FER: variants seen among roughly 807,000 people sequenced by gnomAD.
FER encodes the protein FER tyrosine kinase.
A neutral mutation model predicts 111.0 loss-of-function variants in FER; 63 were observed. The observed-to-expected ratio is 0.57, with a 90% CI of 0.46 to 0.70. The LOEUF is 0.70. Ranked by LOEUF, FER falls within the 30% of genes least tolerant of loss-of-function variation. The pLI is 0.00. For missense variants in FER, 914 were observed against 954.0 expected, an observed-to-expected ratio of 0.96 and a Z score of 0.55; for synonymous variants, 327 against 313.9, an observed-to-expected ratio of 1.04 and a Z score of -0.44.
At position 109,003,770 on chromosome 5, in the gene FER, A is replaced by G. The variant is rs149824517; in HGVS notation, c.1657-33652A>G. ...AGAGGTGGGAGAATTGCTTGGACCT[A>G]GAATTTCAAGATCAGCCTAGGCATC... On this transcript the variant is annotated intron_variant, in intron 13 of 19. Coordinates refer to ENST00000281092, the MANE Select transcript of FER (RefSeq NM_005246.4). Among the ~76,000 whole-genome samples the G allele has an allele frequency of 2.4e-3, 362 of 152,256 alleles. 1 individual carries two copies. Among genetic ancestry groups the G allele is most frequent in the African/African-American group, 7.5e-3 (312 of 41,528 alleles).
intron 11 of FER, among the ~76,000 whole-genome samples, chr5:108,948,311 GC>G (rs1391217211): frequency 6.6e-6 from 1 of 152,016 alleles, no homozygotes; most frequent in African/African-American, 2.4e-5. Context: ...TTGGCTGATA[GC>G]AGAATTTGTT....
chr5:108,797,019 C>T (rs552734524), intron 2 of FER, among the ~76,000 whole-genome samples: 1 of 151,974 alleles, frequency 6.6e-6, no homozygotes, highest in South Asian at 2.1e-4. Flanking sequence ...TGACCCAGAG[C>T]CCACAGCGTA....
At chr5:108,888,817 A>G (rs1225462929) in intron 9 of FER, among the ~76,000 whole-genome samples, 1 of 151,946 alleles carries the variant, frequency 6.6e-6, no homozygotes, top group Non-Finnish European at 1.5e-5. Context: ...ATTGGAAGAA[A>G]TGAATTTTTC....
chr5:109,010,217 G>A (rs1047566243), intron 13 of FER, among the ~76,000 whole-genome samples: 2 of 152,036 alleles, frequency 1.3e-5, no homozygotes, highest in African/African-American at 2.4e-5. Context: ...GAGTGCAGTG[G>A]CACAATCTCG....
chr5:109,186,398 A>G (rs949670045), intron 19 of FER, 76 bp downstream of exon 19: 1 of 1,606,210 alleles, frequency 6.2e-7, no homozygotes, highest in Admixed American at 1.7e-5. Context: ...TGTCTGCTTG[A>G]GGAGGGGTGT....
chr5:109,023,717 A>G (rs1185989310), intron 13 of FER, among the ~76,000 whole-genome samples: 1 of 151,314 alleles, frequency 6.6e-6, no homozygotes, highest in African/African-American at 2.4e-5. Flanking sequence ...ATGAAGAGGG[A>G]CATTGTTTCA....
At chr5:108,991,712 T>A (rs538295944) in intron 13 of FER, among the ~76,000 whole-genome samples, 49 of 152,224 alleles carry the variant, frequency 3.2e-4, no homozygotes, top group African/African-American at 9.9e-4. Context: ...TAAGGTTTTT[T>A]TTAGCACTTG....
At chr5:109,107,956 A>G (rs1749144565) in intron 17 of FER, among the ~76,000 whole-genome samples, 1 of 152,132 alleles carries the variant, frequency 6.6e-6, no homozygotes, top group South Asian at 2.1e-4. Flanking sequence ...CCCAGCTTAT[A>G]TTAAATGTCT....
intron 16 of FER, among the ~76,000 whole-genome samples, chr5:109,072,419 A>T (rs1414396622): frequency 6.6e-6 from 1 of 151,324 alleles, no homozygotes; most frequent in Non-Finnish European, 1.5e-5. Context: ...CCAACCTAAT[A>T]TTTTTCAGAG....
chr5:108,758,411 A>G (rs2149923263), intron 1 of FER, among the ~76,000 whole-genome samples: 1 of 152,352 alleles, frequency 6.6e-6, no homozygotes, highest in African/African-American at 2.4e-5. Flanking sequence ...TGATAATACT[A>G]GAATTTTCAC....
At chr5:109,134,569 C>T (rs956863704) in intron 17 of FER, among the ~76,000 whole-genome samples, 11 of 152,108 alleles carry the variant, frequency 7.2e-5, no homozygotes, top group African/African-American at 2.2e-4. Flanking sequence ...TGAAAGGTGG[C>T]TCCCACACAG....
intron 10 of FER, among the ~76,000 whole-genome samples, chr5:108,914,394 G>A (rs139822392): frequency 1.3e-5 from 2 of 152,072 alleles, no homozygotes; most frequent in African/African-American, 2.4e-5. Flanking sequence ...TTATTATTAC[G>A]TTTCTTCTAT....
chr5:108,805,021 A>T (rs1481887646), intron 3 of FER, among the ~76,000 whole-genome samples: 1 of 149,312 alleles, frequency 6.7e-6, no homozygotes, highest in African/African-American at 2.5e-5. Context: ...TTGGAGCTGG[A>T]TATTGGTCTT....
Position 108,954,904 on chromosome 5 carries a change from G to A in FER, c.1505G>A (p.Arg502Lys), listed in dbSNP as rs756381569. Residue 502 changes from arginine (R) to lysine (K), a missense_variant, in exon 12 of 20, where the codon AGG (arginine) becomes AAG (lysine). Arg to Lys is a conservative substitution (Grantham distance 26, BLOSUM62 2). Transcript: ENST00000281092. The part of the protein sequence containing the change: ...YVLSVYSDGQ[R>K]RHFIIQYVDN... ...CTTTCTGTATATTCTGATGGACAGAGGAGACATTTTATCATACAATATGTT... is the reference window on the plus strand; with the variant it reads ...CTTTCTGTATATTCTGATGGACAGAAGAGACATTTTATCATACAATATGTT... 24 of 1,609,812 alleles carry A rather than the reference G, an allele frequency of 1.5e-5. No individual in the cohort carries two copies. The South Asian group carries it at 2.6e-4, about 18-fold the overall frequency.
At chr5:109,058,242 CATT>C (rs1773893485) in intron 16 of FER, among the ~76,000 whole-genome samples, 1 of 152,116 alleles carries the variant, frequency 6.6e-6, no homozygotes, top group Non-Finnish European at 1.5e-5. Context: ...CCATAGCTAA[CATT>C]ATATTTAATG....
chr5:108,824,789 G>A lies in FER; in HGVS notation c.208-7981G>A, dbSNP rs186407614. Among the ~76,000 whole-genome samples the A allele has an allele frequency of 3.9e-3, 589 of 152,008 alleles. 2 individuals carry two copies. The highest frequency in any genetic ancestry group is 7.5e-3 in the South Asian group (36 of 4,816). ...TGGAGAGTCACAGGTTTCTACATACGAGATTATCGGGGGACCTGCCCCGAT... is the reference window on the plus strand; with the variant it reads ...TGGAGAGTCACAGGTTTCTACATACAAGATTATCGGGGGACCTGCCCCGAT... On this transcript the variant is annotated intron_variant, in intron 3 of 19. Transcript: ENST00000281092.
At chr5:109,136,444 C>T (rs911648956) in intron 17 of FER, among the ~76,000 whole-genome samples, 2 of 152,138 alleles carry the variant, frequency 1.3e-5, no homozygotes, top group African/African-American at 4.8e-5. Flanking sequence ...TTAGAAATGT[C>T]TCCAAGTATG....
chr5:109,183,096 G>C (rs1198653634), intron 18 of FER, among the ~76,000 whole-genome samples: 1 of 152,166 alleles, frequency 6.6e-6, no homozygotes, highest in East Asian at 1.9e-4. Context: ...GACAAGGAAG[G>C]AGAGATTTTG....
chr5:108,838,628 AT>A (rs2150147222), intron 5 of FER, among the ~76,000 whole-genome samples: 1 of 152,268 alleles, frequency 6.6e-6, no homozygotes, highest in East Asian at 1.9e-4. Context: ...TTAAACTGAT[AT>A]TTTAAATTTT....
Sources: allele counts gnomAD v4.1 joint callset (sites outside exome capture counted in the v4.1 genomes callset), GRCh38; gene constraint gnomAD v4.1.1; transcripts MANE v1.5; gene names NCBI Gene and HGNC (gene_info 2026-07-23, HGNC 2026-07-21).